APP: variants seen among roughly 807,000 people sequenced by gnomAD.
APP encodes the protein amyloid-beta precursor protein.
APP carries 31 observed loss-of-function variants against 101.4 expected under a neutral mutation model. The ratio of observed to expected loss-of-function variants is 0.31; its 90% CI spans 0.23 to 0.41. The LOEUF (loss-of-function observed/expected upper bound fraction) is 0.41, where lower values mean the gene tolerates loss of function less well. Ranked by LOEUF, APP falls within the 10% of genes least tolerant of loss-of-function variation. APP has a pLI of 1.00. For missense variants in APP, 839 were observed against 1,003.7 expected (o/e 0.84, Z 2.22); for synonymous variants, 366 against 364.4 (o/e 1.00, Z -0.05).
At chr21:26,113,354 A>G (rs1752398340) in intron 1 of APP, among the ~76,000 whole-genome samples, 1 of 152,232 alleles carries the variant, frequency 6.6e-6, no homozygotes, top group Non-Finnish European at 1.5e-5. Flanking sequence ...AAAGAAATGA[A>G]ACAGTTTCCA....
At chr21:26,119,661 G>A (rs1436369131) in intron 1 of APP, among the ~76,000 whole-genome samples, 4 of 151,172 alleles carry the variant, frequency 2.6e-5, no homozygotes, top group African/African-American at 9.7e-5. Context: ...TACTTGTATG[G>A]TATGTAGTGG....
rs2037721215 is a variant in APP, at chr21:25,891,878, A to C, written c.2065-10T>G. 6.2e-7 allele frequency: 1 copy of C among 1,611,680 alleles called. No homozygotes were observed. The highest frequency in any genetic ancestry group is 8.5e-7 in the Non-Finnish European group (1 of 1,178,478). ...CTTCTGCAAAGAACACCTTGAAAAC[A>C]AATTAAGAAAAAGAATTTTAATTTC... On this transcript the variant is annotated splice_polypyrimidine_tract_variant and intron_variant, in intron 16 of 17. Coordinates refer to ENST00000346798, the MANE Select transcript of APP (RefSeq NM_000484.4).
intron 2 of APP, among the ~76,000 whole-genome samples, chr21:26,093,642 C>T (rs527754865): frequency 2.7e-4 from 41 of 152,086 alleles, no homozygotes; most frequent in Non-Finnish European, 4.7e-4. Context: ...TCCATGAAGA[C>T]GGGGCTTTTC....
chr21:26,152,478 G>A (rs2063298402), intron 1 of APP, among the ~76,000 whole-genome samples: 1 of 151,912 alleles, frequency 6.6e-6, no homozygotes, highest in Admixed American at 6.6e-5. Flanking sequence ...GAGATTTAAT[G>A]TTAAGAAATA....
Position 26,021,811 on chromosome 21 carries a change from G to T in APP, c.865+29C>A, listed in dbSNP as rs200914339. On this transcript the variant is annotated intron_variant, in intron 6 of 17. Coordinates refer to ENST00000346798, the MANE Select transcript of APP (RefSeq NM_000484.4). ...ATTACGCTTTCTTTTCCTTGGGGGT[G>T]GGGGGAATCCAAGCAAATGGTGGAT... 5 of 1,608,808 alleles carry T rather than the reference G, an allele frequency of 3.1e-6. No individual in the cohort carries two copies. In the East Asian group the frequency reaches 8.9e-5, roughly 29 times the overall value.
At chr21:26,124,704 G>A (rs995611981) in intron 1 of APP, among the ~76,000 whole-genome samples, 1 of 152,180 alleles carries the variant, frequency 6.6e-6, no homozygotes, top group African/African-American at 2.4e-5. Flanking sequence ...AGATAGAAAC[G>A]GATTGTTGAT....
chr21:26,159,241 G>A (rs370845386), intron 1 of APP, among the ~76,000 whole-genome samples: 5 of 152,132 alleles, frequency 3.3e-5, no homozygotes, highest in East Asian at 3.9e-4. Context: ...CACCACGCCC[G>A]GTTAATTTGT....
chr21:26,090,436 C>T (rs1166497426), intron 2 of APP, among the ~76,000 whole-genome samples: 1 of 149,154 alleles, frequency 6.7e-6, no homozygotes, highest in Non-Finnish European at 1.5e-5. Context: ...TGCTCTACCT[C>T]TGACCAAGCT....
At chr21:26,114,697 T>A (rs2062397990) in intron 1 of APP, among the ~76,000 whole-genome samples, 1 of 152,190 alleles carries the variant, frequency 6.6e-6, no homozygotes, top group African/African-American at 2.4e-5. Context: ...ATGCTTCATT[T>A]TTTTTTCCTC....
intron 13 of APP, among the ~76,000 whole-genome samples, chr21:25,931,341 T>C (rs2040137551): frequency 6.6e-6 from 1 of 152,188 alleles, no homozygotes; most frequent in African/African-American, 2.4e-5. Context: ...CTCTTCTGGC[T>C]GCTGTGGTAC....
intron 17 of APP, among the ~76,000 whole-genome samples, chr21:25,882,940 T>C (rs1473947058): frequency 6.6e-6 from 1 of 152,068 alleles, no homozygotes; most frequent in African/African-American, 2.4e-5. Context: ...CTTTTCCCCC[T>C]ACACACCCCA....
intron 6 of APP, among the ~76,000 whole-genome samples, chr21:26,014,677 T>C (rs62222416): frequency 1.1e-3 from 168 of 152,330 alleles, no homozygotes; most frequent in Non-Finnish European, 2.1e-3. Context: ...CAGCAACCAA[T>C]GCCATGTCTG....
At chr21:26,153,720 A>G (rs959955250) in intron 1 of APP, among the ~76,000 whole-genome samples, 2 of 152,242 alleles carry the variant, frequency 1.3e-5, no homozygotes, top group African/African-American at 4.8e-5. Context: ...AAAGAAACAC[A>G]GGGCATGCTT....
intron 17 of APP, among the ~76,000 whole-genome samples, chr21:25,884,117 C>T (rs1005155056): frequency 6.6e-6 from 1 of 152,202 alleles, no homozygotes; most frequent in Non-Finnish European, 1.5e-5. Context: ...CTCAGGTGAT[C>T]CGCCTACCTC....
intron 3 of APP, among the ~76,000 whole-genome samples, chr21:26,067,777 C>CAG (rs2046513973): frequency 2.0e-5 from 3 of 152,120 alleles, no homozygotes; most frequent in Non-Finnish European, 2.9e-5. Context: ...TAGCTTAGTT[C>CAG]AGTCCTCTGT....
intron 17 of APP, among the ~76,000 whole-genome samples, chr21:25,887,274 A>G (rs1212856080): frequency 3.3e-5 from 5 of 152,172 alleles, no homozygotes; most frequent in Non-Finnish European, 7.3e-5. Context: ...CTTTGCAGGA[A>G]CGTCCTAAAA....
At chr21:25,973,490 A>C (rs930911557) in intron 11 of APP, among the ~76,000 whole-genome samples, 1 of 152,250 alleles carries the variant, frequency 6.6e-6, no homozygotes. Context: ...TCATTTCATA[A>C]GAAGAGGCTC....
chr21:26,140,262 G>A, intron 1 of APP: 5 of 1,535,980 alleles, frequency 3.3e-6, no homozygotes, highest in African/African-American at 1.4e-5. Flanking sequence ...TACTCCCTGA[G>A]ATCAACAAAC....
chr21:26,061,825 A>C (rs2046275123), intron 3 of APP, among the ~76,000 whole-genome samples: 1 of 152,220 alleles, frequency 6.6e-6, no homozygotes. Context: ...GAAAACTAAA[A>C]GTTTTACCTA....
Sources: gnomAD v4.1 joint callset for allele counts (sites outside exome capture counted in the v4.1 genomes callset) on GRCh38, gnomAD v4.1.1 for gene constraint, MANE v1.5 for transcripts, NCBI Gene and HGNC (gene_info 2026-07-23, HGNC 2026-07-21) for gene names.